SMG1: variants seen among roughly 807,000 people sequenced by gnomAD.
SMG1 encodes SMG1 nonsense mediated mRNA decay associated PI3K related kinase.
Under a neutral mutation model 419.9 loss-of-function variants are expected in SMG1, and 22 were observed. The ratio of observed to expected loss-of-function variants is 0.05; its 90% CI spans 0.04 to 0.07. SMG1 has a LOEUF of 0.07. SMG1 is among the 10% of genes least tolerant of loss of function. The pLI, the probability that SMG1 is intolerant of heterozygous loss-of-function variation, is 1.00. For missense variants in SMG1, 3,185 were observed against 4,342.0 expected, an observed-to-expected ratio of 0.73 and a Z score of 7.49; for synonymous variants, 1,538 against 1,553.5, an observed-to-expected ratio of 0.99 and a Z score of 0.23.
chr16:18,832,727 A>T (rs2033285516), intron 51 of SMG1, among the ~76,000 whole-genome samples: 1 of 152,202 alleles, frequency 6.6e-6, no homozygotes, highest in Admixed American at 6.5e-5. Context: ...AAGCATGCAC[A>T]ATACCTGCCT....
At chr16:18,904,541 G>A (rs1447145058) in intron 1 of SMG1, among the ~76,000 whole-genome samples, 1 of 151,996 alleles carries the variant, frequency 6.6e-6, no homozygotes, top group African/African-American at 2.4e-5. Context: ...GGGAGGCTGA[G>A]GCAGGGGAAT....
In SMG1 at chr16:18,885,614, A is replaced by G; in HGVS notation, c.875T>C (p.Leu292Ser). The G allele has an allele frequency of 2.5e-6, 4 of 1,596,052 alleles. No individual in the cohort carries two copies. Among genetic ancestry groups the G allele is most frequent in the Non-Finnish European group, 3.4e-6 (4 of 1,179,490 alleles). Residue 292 changes from leucine (L) to serine (S), a missense_variant, in exon 7 of 63, where the codon TTG becomes TCG. Leu to Ser is a moderately radical substitution (Grantham distance 145, BLOSUM62 -2). Transcript: ENST00000446231. ...SILENVDTPE[L>S]LCKCVKCILL... ...AATGCACTTAACACATTTACAAAGC[A>G]ATTCTGGTGTATCCACATTTTCAAG...
At chr16:18,844,580 A>ACACACACACACACT (rs2034146274) in intron 39 of SMG1, among the ~76,000 whole-genome samples, 1 of 137,242 alleles carries the variant, frequency 7.3e-6, no homozygotes, top group Admixed American at 7.4e-5. Context: ...TCACACACAC[A>ACACACACACACACT]CACGGAAACT....
At chr16:18,883,309 GC>G (rs2036479627) in intron 9 of SMG1, among the ~76,000 whole-genome samples, 1 of 152,204 alleles carries the variant, frequency 6.6e-6, no homozygotes, top group Non-Finnish European at 1.5e-5. Context: ...AAGCTCCTAT[GC>G]TATATTCGTA....
chr16:18,816,962 C>T (rs1567315047), intron 57 of SMG1, among the ~76,000 whole-genome samples: 1 of 152,156 alleles, frequency 6.6e-6, no homozygotes, highest in Non-Finnish European at 1.5e-5. Context: ...TCCATAAGCC[C>T]TCTTTCTCCT....
chr16:18,863,756 T>C lies in SMG1; in HGVS notation c.3589A>G (p.Ile1197Val), dbSNP rs560105140. ...TCCTGCACAGCAGCCCAATCGGCAA[T>C]TGAGATGTAGCACTCACATGCTTTA... ...GNKACECYIS[I>V]ADWAAVQEWQ... Residue 1197 changes from isoleucine to valine, a missense_variant, in exon 25 of 63, where the codon ATT (isoleucine) becomes GTT (valine). Physicochemically the swap from Ile to Val is conservative, Grantham distance 29 (BLOSUM62 3). Transcript: ENST00000446231. 158 of 1,581,190 alleles carry C rather than the reference T, an allele frequency of 1.0e-4. 4 individuals are homozygous for C. In the South Asian group the frequency reaches 1.3e-3, roughly 13 times the overall value.
At position 18,860,702 on chromosome 16, in the gene SMG1, A is replaced by T. The variant is rs949805197; in HGVS notation, c.3770T>A (p.Ile1257Asn). The T allele has an allele frequency of 9.6e-6, 15 of 1,558,432 alleles. No individual in the cohort carries two copies. The highest frequency in any genetic ancestry group is 2.2e-5 in the East Asian group (1 of 44,628). Residue 1257 changes from isoleucine to asparagine, a missense_variant, in exon 26 of 63, where the codon ATC becomes AAC. Ile to Asn is a moderately radical substitution (Grantham distance 149). Transcript: ENST00000446231. ...TTTTGATCCTCCAGCAAGTAGATTG[A>T]TATTTTCTCCTGGTAACAATTCTAA... ...EQLELLPGENINLLAGGSKEK... is the reference protein window; with the variant it reads ...EQLELLPGENNNLLAGGSKEK...
Position 18,830,527 on chromosome 16 carries a change from G to A in SMG1, c.8793-158C>T, listed in dbSNP as rs1303582772. Among the ~76,000 whole-genome samples, 7 of 152,166 alleles carry A rather than the reference G, an allele frequency of 4.6e-5. No individual in the cohort carries two copies. The South Asian group carries it at 8.3e-4, about 18-fold the overall frequency. On this transcript the variant is annotated intron_variant, in intron 51 of 62. Transcript: ENST00000446231. ...TATTAGGCCGGGCGCGGTGGCTCAC[G>A]CCTGTAATCCAGCACTTTGGCAGGC...
In SMG1 at chr16:18,815,681, AAT is replaced by A. The variant is rs559820723; in HGVS notation, c.10303-32_10303-31del. On this transcript the variant is annotated intron_variant, in intron 58 of 62. Coordinates refer to ENST00000446231, the MANE Select transcript of SMG1 (RefSeq NM_015092.5). ...AATTGATAAATTAATGATTAAGAAA[AAT>A]AGTTTTAGTATCAGTAATTACTCTC... 10,283 of 1,588,024 alleles carry A rather than the reference AAT, an allele frequency of 6.5e-3. 29 individuals carry two copies. Among genetic ancestry groups the A allele is most frequent in the Non-Finnish European group, 7.5e-3 (8,733 of 1,160,176 alleles).
At chr16:18,819,750 C>A in intron 55 of SMG1, 96 bp from the exon 56 acceptor site, 1 of 1,206,898 alleles carries the variant, frequency 8.3e-7, no homozygotes, top group Non-Finnish European at 1.1e-6. Flanking sequence ...TTCAAAAGAA[C>A]CAGGGTGGAC....
At chr16:18,874,560 TAAA>T (rs531685275) in intron 13 of SMG1, among the ~76,000 whole-genome samples, 9 of 110,650 alleles carry the variant, frequency 8.1e-5, no homozygotes, top group Non-Finnish European at 9.2e-5. Context: ...TCGAATTACT[TAAA>T]AAAAAAAAAA....
intron 11 of SMG1, chr16:18,877,593 G>C (rs2036196811): frequency 6.1e-6 from 1 of 165,262 alleles, no homozygotes; most frequent in Non-Finnish European, 1.3e-5. Context: ...TATAAAATTA[G>C]TTAATAATAA....
chr16:18,815,120 T>G, intron 60 of SMG1, 55 bp downstream of exon 60: 1 of 1,100,000 alleles, frequency 9.1e-7, no homozygotes, highest in South Asian at 1.4e-5. Flanking sequence ...ATTAAACATC[T>G]TAGCATCTAT....
At chr16:18,896,338 A>G in intron 2 of SMG1, 131 bp from the exon 3 acceptor site, 3 of 771,004 alleles carry the variant, frequency 3.9e-6, no homozygotes, top group Non-Finnish European at 6.8e-6. Flanking sequence ...TTTTTCCTGT[A>G]CTGTCTGCCT....
intron 30 of SMG1, 65 bp from the exon 31 acceptor site, chr16:18,853,932 G>A (rs1340023142): frequency 7.0e-7 from 1 of 1,429,456 alleles, no homozygotes; most frequent in Non-Finnish European, 9.4e-7. Context: ...GAGGCACTTG[G>A]ATTAGGAAAC....
At chr16:18,854,502 G>C (rs183495777) in intron 30 of SMG1, among the ~76,000 whole-genome samples, 154 bp downstream of exon 30, 67 of 152,242 alleles carry the variant, frequency 4.4e-4, no homozygotes, top group Admixed American at 1.0e-3. Flanking sequence ...AGGTAAGTCA[G>C]TAATAAGCAA....
chr16:18,807,379 C>T lies in SMG1; in HGVS notation c.*2190G>A, dbSNP rs2030937005. ...CTCCCAGAGCCTCTAGAAAATAAAG[C>T]AGTGTGCAAAATACAATATGGCATT... On this transcript the variant is annotated 3_prime_UTR_variant, in exon 63 of 63. Coordinates refer to ENST00000446231, the MANE Select transcript of SMG1 (RefSeq NM_015092.5). 6.6e-6 allele frequency: 1 copy of T among 152,112 alleles called. No individual in the cohort carries two copies. Among genetic ancestry groups the T allele is most frequent in the African/African-American group, 2.4e-5 (1 of 41,418 alleles). 9.4% of individuals were successfully genotyped at this position (152,112 alleles called of 1,614,324 possible). A position where few individuals can be genotyped will look rare whatever the true frequency, so the allele number is the denominator to read the frequency against.
intron 30 of SMG1, 45 bp downstream of exon 30, chr16:18,854,611 G>T: frequency 2.0e-6 from 3 of 1,533,210 alleles, no homozygotes; most frequent in Non-Finnish European, 2.7e-6. Context: ...TCATATACAT[G>T]ATTTTTATTA....
rs1474158747 is a variant in SMG1 at position 18,864,175 on chromosome 16, T to C, written c.3351-31A>G. ...AAGCAAATTGAAGCAGTCTTATTTA[T>C]TTATCTACTTACTTTTTTTTTTTTT... is the stretch of plus-strand genomic sequence containing the variant. On this transcript the variant is annotated intron_variant, in intron 23 of 62. Coordinates refer to ENST00000446231, the MANE Select transcript of SMG1 (RefSeq NM_015092.5). 3.6e-5 allele frequency: 53 copies of C among 1,455,612 alleles called. No individual in the cohort carries two copies. In the South Asian group the frequency reaches 5.8e-4, roughly 16 times the overall value. The allele number at this position is 1,455,612 out of a possible 1,614,324, so 90.2% of individuals were successfully genotyped here.
Sources: gnomAD v4.1 joint callset for allele counts (sites outside exome capture counted in the v4.1 genomes callset) on GRCh38, gnomAD v4.1.1 for gene constraint, MANE v1.5 for transcripts, NCBI Gene and HGNC (gene_info 2026-07-23, HGNC 2026-07-21) for gene names.